Variants in CAD observed in about 807,000 individuals in gnomAD.
CAD encodes multifunctional protein CAD.
A neutral mutation model predicts 237.2 loss-of-function variants in CAD; 81 were observed. The observed-to-expected ratio is 0.34, with a 90% confidence interval of 0.29 to 0.41. The LOEUF is 0.41. CAD is among the 10% of genes least tolerant of loss of function. The probability of loss-of-function intolerance (pLI) is 1.00; values close to 1 mark genes in which losing one functional copy is unlikely to be tolerated. For synonymous variants in CAD, 1,196 were observed against 1,162.8 expected, an observed-to-expected ratio of 1.03 and a Z score of -0.58; for missense variants, 2,181 against 2,951.7, an observed-to-expected ratio of 0.74 and a Z score of 6.05.
chr2:27,236,907 G>A lies in CAD; in HGVS notation c.4396+77G>A. On this transcript the variant is annotated intron_variant, in intron 27 of 43. Coordinates refer to ENST00000264705, the MANE Select transcript of CAD (RefSeq NM_004341.5). The surrounding 1 kb of genome is among the most constrained non-coding windows in gnomAD (Gnocchi z 4.1). ...GAGACCTGCAGTGTGGTGAAGGATG[G>A]CTGGGGGGCCCACTCTTTGTCCTGG... is the stretch of plus-strand genomic sequence containing the variant. 8.2e-7 allele frequency: 1 copy of A among 1,213,940 alleles called. No homozygotes were observed. Among genetic ancestry groups the A allele is most frequent in the Non-Finnish European group, 1.2e-6 (1 of 814,936 alleles). The allele number at this position is 1,213,940 out of a possible 1,614,324, so 75.2% of individuals were successfully genotyped here. A position where few individuals can be genotyped will look rare whatever the true frequency, so the allele number is the denominator to read the frequency against.
chr2:27,235,772 G>A lies in CAD; in HGVS notation c.4074+132G>A. ...CCCAGATACTCAGGAGGCTAAGGCAGGAGAATCTCTTGAGCCCAGGAGGTA... is the reference window on the plus strand; with the variant it reads ...CCCAGATACTCAGGAGGCTAAGGCAAGAGAATCTCTTGAGCCCAGGAGGTA... On this transcript the variant is annotated intron_variant, in intron 25 of 43. Coordinates refer to ENST00000264705, the MANE Select transcript of CAD (RefSeq NM_004341.5). This position sits in a 1 kb window ranked among gnomAD's most constrained non-coding sequence, Gnocchi z 5.2. The A allele has an allele frequency of 1.4e-6, 1 of 722,264 alleles. No individual in the cohort carries two copies. Among genetic ancestry groups the A allele is most frequent in the Admixed American group, 2.6e-5 (1 of 38,294 alleles). The allele number at this position is 722,264 out of a possible 1,614,324, so 44.7% of individuals were successfully genotyped here. A position where few individuals can be genotyped will look rare whatever the true frequency, so the allele number is the denominator to read the frequency against.
chr2:27,221,254 G>T lies in CAD; in HGVS notation c.259G>T (p.Val87Leu). ...ESSGIHVAAL[V>L]VGECCPTPSH... ...CTCGGGCATCCACGTAGCAGCACTG[G>T]TAGTGGGAGAGTGCTGTCCTACTCC... The change falls in exon 3 of 44, where the codon GTA becomes TTA. Residue 87 changes from valine to leucine, a missense_variant. Val to Leu is a conservative substitution (Grantham distance 32). Coordinates refer to ENST00000264705, the MANE Select transcript of CAD (RefSeq NM_004341.5). The T allele has an allele frequency of 6.3e-7, 1 of 1,584,330 alleles. No individual in the cohort carries two copies. Among genetic ancestry groups the T allele is most frequent in the Non-Finnish European group, 8.6e-7 (1 of 1,164,076 alleles).
At chr2:27,234,793 C>T in intron 23 of CAD, 108 bp downstream of exon 23, 3 of 1,070,958 alleles carry the variant, frequency 2.8e-6, no homozygotes, top group Non-Finnish European at 4.1e-6. Flanking sequence ...CAAGGCATTG[C>T]CGGATCGTGG....
chr2:27,232,610 A>C lies in CAD; in HGVS notation c.2808A>C (p.Leu936=). 4.3e-6 allele frequency: 7 copies of C among 1,614,152 alleles called. No homozygotes were observed. The highest frequency in any genetic ancestry group is 5.9e-6 in the Non-Finnish European group (7 of 1,180,024). Residue 936 remains leucine (L), a synonymous_variant, in exon 18 of 44, where the codon CTA becomes CTC. Coordinates refer to ENST00000264705, the MANE Select transcript of CAD (RefSeq NM_004341.5). The surrounding 1 kb of genome is among the most constrained non-coding windows in gnomAD (Gnocchi z 4.1). The part of the protein sequence containing the change: ...HDLTFRTPHV[L]VLGSGVYRIG... ...TCACCTTTCGAACACCTCATGTCCT[A>C]GTCCTTGGCTCTGGCGTCTACCGTA...
chr2:27,242,682 C>T lies in CAD; in HGVS notation c.6285C>T (p.Thr2095=), dbSNP rs776853866. 5.6e-6 allele frequency: 9 copies of T among 1,613,936 alleles called. No individual in the cohort carries two copies. Among genetic ancestry groups the T allele is most frequent in the Admixed American group, 5.0e-5 (3 of 60,020 alleles). The change falls in exon 41 of 44, where the codon ACC becomes ACT. Residue 2095 remains threonine, a synonymous_variant. Transcript: ENST00000264705. This position sits in a 1 kb window ranked among gnomAD's most constrained non-coding sequence, Gnocchi z 6.4. ...TACATTCCCTGGCCTGCCTGCTCAC[C>T]CAGTATCGTGTCAGCCTGCGCTACG... ...RTVHSLACLL[T]QYRVSLRYVA...
At position 27,238,560 on chromosome 2, in the gene CAD, C is replaced by T; in HGVS notation, c.4990C>T (p.Leu1664Phe). Residue 1664 changes from leucine to phenylalanine, a missense_variant, in exon 31 of 44, where the codon CTT (leucine) becomes TTT (phenylalanine). Leu to Phe is a conservative substitution (Grantham distance 22). This residue lies in a region of CAD where 478 missense variants were observed against 515.0 expected (regional missense o/e 0.93). Transcript: ENST00000264705. ...GPGKGEVRPE[L>F]GSRQDVEALW... ...TGGGAAGGGGGAGGTCCGGCCTGAG[C>T]TTGGCTCCCGCCAGGATGTGGAAGC... The T allele has an allele frequency of 6.2e-7, 1 of 1,614,090 alleles. No individual in the cohort carries two copies. The highest frequency in any genetic ancestry group is 8.5e-7 in the Non-Finnish European group (1 of 1,180,008).
At position 27,242,345 on chromosome 2, in the gene CAD, A is replaced by T; in HGVS notation, c.6140A>T (p.Asp2047Val). ...HCRRPVINAG[D>V]GVGEHPTQAL... ...CGGAGGCCAGTGATCAATGCTGGGG[A>T]TGGGGTCGGAGAGCACCCCACCCAG... Residue 2047 changes from aspartate to valine, a missense_variant, in exon 40 of 44, where the codon GAT (aspartate) becomes GTT (valine). By Grantham distance (152) the Asp-to-Val change is radical. Around this residue, in one of 12 missense-constraint regions of CAD, gnomAD observed 203 missense variants for 284.5 expected, o/e 0.71. Coordinates refer to ENST00000264705, the MANE Select transcript of CAD (RefSeq NM_004341.5). This position sits in a 1 kb window ranked among gnomAD's most constrained non-coding sequence, Gnocchi z 6.4. 6.2e-7 allele frequency: 1 copy of T among 1,613,764 alleles called. No homozygotes were observed. Among genetic ancestry groups the T allele is most frequent in the Non-Finnish European group, 8.5e-7 (1 of 1,179,844 alleles).
Position 27,226,978 on chromosome 2 carries a change from T to TG in CAD, c.2287+19dup. 1 of 1,613,642 alleles carries TG rather than the reference T, an allele frequency of 6.2e-7. No individual in the cohort carries two copies. Among genetic ancestry groups the TG allele is most frequent in the Non-Finnish European group, 8.5e-7 (1 of 1,179,598 alleles). ...AAGAGCGTTGGTGAGACTCATGCCC[T>TG]GGGCACCCCCATGGGGCCCCACCAT... On this transcript the variant is annotated intron_variant, in intron 15 of 43. Transcript: ENST00000264705.
intron 2 of CAD, among the ~76,000 whole-genome samples, chr2:27,219,764 T>G (rs1383591237): frequency 1.3e-5 from 2 of 152,032 alleles, no homozygotes; most frequent in Non-Finnish European, 1.5e-5. Context: ...TAATTTTGTA[T>G]TTTTAGTAGA....
At position 27,237,795 on chromosome 2, in the gene CAD, C is replaced by T. The variant is rs773275010; in HGVS notation, c.4641C>T (p.Thr1547=). 63 of 1,614,206 alleles carry T rather than the reference C, an allele frequency of 3.9e-5. No homozygotes were observed. Among genetic ancestry groups the T allele is most frequent in the Admixed American group, 1.7e-4 (10 of 60,032 alleles). The change falls in exon 29 of 44, where the codon ACC becomes ACT. Residue 1547 remains threonine (T), a synonymous_variant. Transcript: ENST00000264705. The surrounding 1 kb of genome is among the most constrained non-coding windows in gnomAD (Gnocchi z 4.0). ...CTGAAAATGCAGGAACCTTGGGCAC[C>T]GTGGCCGGGTCTGCAGCCGGGCTGA... ...ASSENAGTLG[T]VAGSAAGLKL...
chr2:27,231,461 C>T lies in CAD; in HGVS notation c.2288-7C>T, dbSNP rs1572437828. Reference sequence around the variant, plus strand: ...ACACCTTCATTCCTTCCATTCTGTTCTTCCAGGTGAAGTCATGGGCATTGG... The same window carrying T: ...ACACCTTCATTCCTTCCATTCTGTTTTTCCAGGTGAAGTCATGGGCATTGG... On this transcript the variant is annotated splice_polypyrimidine_tract_variant and splice_region_variant and intron_variant, in intron 15 of 43. Coordinates refer to ENST00000264705, the MANE Select transcript of CAD (RefSeq NM_004341.5). 2 of 1,550,138 alleles carry T rather than the reference C, an allele frequency of 1.3e-6. No homozygotes were observed. The highest frequency in any genetic ancestry group is 1.4e-5 in the African/African-American group (1 of 73,808).
In CAD at chr2:27,226,597, C is replaced by T. The variant is rs1311229310; in HGVS notation, c.2104C>T (p.Leu702=). 2 of 1,614,070 alleles carry T rather than the reference C, an allele frequency of 1.2e-6. No individual in the cohort carries two copies. The highest frequency in any genetic ancestry group is 1.6e-4 in the Middle Eastern group (1 of 6,084). ...GGCCAGTAAGGCCACAGGTTATCCA[C>T]TGGCTTATGTGGCAGCCAAGCTAGC... ...ALASKATGYP[L]AYVAAKLALG... The change falls in exon 14 of 44, where the codon CTG becomes TTG. Residue 702 remains leucine, a synonymous_variant. Transcript: ENST00000264705.
At chr2:27,231,761 G>GT (rs1675770262) in intron 16 of CAD, among the ~76,000 whole-genome samples, 181 bp downstream of exon 16, 1 of 152,200 alleles carries the variant, frequency 6.6e-6, no homozygotes. Context: ...TACTAGACTT[G>GT]TTTTTACAGA....
chr2:27,227,748 A>G (rs1295117013), intron 15 of CAD, among the ~76,000 whole-genome samples: 2 of 152,220 alleles, frequency 1.3e-5, no homozygotes, highest in African/African-American at 2.4e-5. Flanking sequence ...ACATCTGTTC[A>G]AGTATTCTTG....
intron 5 of CAD, 49 bp from the exon 6 acceptor site, chr2:27,222,817 C>T (rs2148060171): frequency 3.1e-6 from 5 of 1,599,042 alleles, no homozygotes; most frequent in Non-Finnish European, 4.3e-6. Flanking sequence ...AGGTGTGTCT[C>T]CTGTAATTGA....
Position 27,234,233 on chromosome 2 carries a change from A to T in CAD, c.3618+7A>T, listed in dbSNP as rs756647504. ...TCTGCAGCTCATTGCCAAGGTAATA[A>T]GGCTAAAGGAAAGAACTAAAGGGCC... On this transcript the variant is annotated splice_region_variant and intron_variant, in intron 22 of 43. Coordinates refer to ENST00000264705, the MANE Select transcript of CAD (RefSeq NM_004341.5). 16 of 1,612,688 alleles carry T rather than the reference A, an allele frequency of 9.9e-6. No individual in the cohort carries two copies. The East Asian group carries it at 3.6e-4, about 36-fold the overall frequency.
rs569249332 is a variant in CAD at position 27,226,433 on chromosome 2, A to G, written c.2032-92A>G. On this transcript the variant is annotated intron_variant, in intron 13 of 43. Coordinates refer to ENST00000264705, the MANE Select transcript of CAD (RefSeq NM_004341.5). ...TTACAGTCCCTGGAGTACAAGCTGG[A>G]ATCTTCTTTACTAGGTTACTTTTCT... 13 of 1,551,256 alleles carry G rather than the reference A, an allele frequency of 8.4e-6. No individual in the cohort carries two copies. In the Admixed American group the frequency reaches 2.3e-4, roughly 27 times the overall value.
At chr2:27,234,291 G>A in intron 22 of CAD, 65 bp downstream of exon 22, 1 of 1,457,448 alleles carries the variant, frequency 6.9e-7, no homozygotes, top group Non-Finnish European at 9.6e-7. Flanking sequence ...TGGCCACAGT[G>A]CCATGAAGCC....
chr2:27,243,524 G>T lies in CAD; in HGVS notation c.*6G>T, dbSNP rs757099590. On this transcript the variant is annotated 3_prime_UTR_variant, in exon 44 of 44. Transcript: ENST00000264705. ...CCGTGCTGGGCCGTTTCTAGGGCCT[G>T]GCTTCCTCAGCCTCTTCTCTTTAGG... is the stretch of plus-strand genomic sequence containing the variant. The T allele has an allele frequency of 6.3e-7, 1 of 1,576,820 alleles. No homozygotes were observed. Among genetic ancestry groups the T allele is most frequent in the Non-Finnish European group, 8.6e-7 (1 of 1,161,162 alleles).
Sources: allele counts gnomAD v4.1 joint callset (sites outside exome capture counted in the v4.1 genomes callset), GRCh38; gene constraint gnomAD v4.1.1; regional missense constraint gnomAD v4.1.1; non-coding constraint Gnocchi (gnomAD v3.1); transcripts MANE v1.5; gene names NCBI Gene and HGNC (gene_info 2026-07-23, HGNC 2026-07-21).